OTUD7A: variants seen among roughly 807,000 people sequenced by gnomAD.
OTUD7A encodes OTU deubiquitinase 7A.
OTUD7A carries 12 observed loss-of-function variants against 65.7 expected under a neutral mutation model. The observed-to-expected ratio is 0.18, with a 90% CI of 0.12 to 0.30. OTUD7A has a LOEUF of 0.30. Among genes scored for constraint, OTUD7A ranks in the 10% least tolerant of loss-of-function variants. The probability of loss-of-function intolerance (pLI) is 1.00; values close to 1 mark genes in which losing one functional copy is unlikely to be tolerated. For missense variants in OTUD7A, 1,148 were observed against 1,304.8 expected (o/e 0.88, Z 1.85); for synonymous variants, 641 against 586.3 (o/e 1.09, Z -1.35).
At chr15:31,496,829 C>T (rs1482919081) in intron 10 of OTUD7A, among the ~76,000 whole-genome samples, 1 of 152,164 alleles carries the variant, frequency 6.6e-6, no homozygotes, top group African/African-American at 2.4e-5. Context: ...TCCCAAGATC[C>T]CTAGCAGACA....
intron 1 of OTUD7A, among the ~76,000 whole-genome samples, chr15:31,841,399 ACG>A (rs1897178740): frequency 6.6e-6 from 1 of 152,168 alleles, no homozygotes; most frequent in Non-Finnish European, 1.5e-5. Context: ...CACAGCCCTG[ACG>A]ATGCAGGACA....
intron 3 of OTUD7A, among the ~76,000 whole-genome samples, chr15:31,625,134 T>C (rs1358357465): frequency 6.6e-6 from 1 of 152,228 alleles, no homozygotes; most frequent in East Asian, 1.9e-4. Flanking sequence ...GAGGCTGTGG[T>C]GAGGCTCTGA....
At chr15:31,485,905 C>T (rs2041230087) in intron 12 of OTUD7A, among the ~76,000 whole-genome samples, 1 of 152,216 alleles carries the variant, frequency 6.6e-6, no homozygotes, top group Non-Finnish European at 1.5e-5. Flanking sequence ...CACCACCTCC[C>T]ACTCTGACAT....
intron 1 of OTUD7A, among the ~76,000 whole-genome samples, chr15:31,793,977 A>G (rs7164188): frequency 0.21 from 31,298 of 152,212 alleles, 3,704 homozygotes; most frequent in Admixed American, 0.28. Context: ...GATCAAATTA[A>G]TTATTTTTGC....
intron 1 of OTUD7A, among the ~76,000 whole-genome samples, chr15:31,711,431 G>C (rs2654058): frequency 0.017 from 2,608 of 149,124 alleles, 86 homozygotes; most frequent in East Asian, 0.092. Context: ...TCCTTCCTTT[G>C]TTTCTCCCTC....
intron 1 of OTUD7A, among the ~76,000 whole-genome samples, chr15:31,816,854 G>T (rs550654682): frequency 1.7e-4 from 26 of 152,262 alleles, no homozygotes; most frequent in African/African-American, 6.3e-4. Context: ...TCATGCCTGC[G>T]TGTCCCATGG....
chr15:31,809,919 C>T (rs930855828), intron 1 of OTUD7A, among the ~76,000 whole-genome samples: 1 of 152,238 alleles, frequency 6.6e-6, no homozygotes, highest in African/African-American at 2.4e-5. Context: ...TTAAAGACTT[C>T]CACAAAATGT....
At chr15:31,740,977 A>C (rs1894327542) in intron 1 of OTUD7A, among the ~76,000 whole-genome samples, 1 of 152,266 alleles carries the variant, frequency 6.6e-6, no homozygotes, top group Non-Finnish European at 1.5e-5. Flanking sequence ...AGTAGGACAC[A>C]GATGTGAATG....
chr15:31,504,109 C>G (rs2041518813), intron 8 of OTUD7A, among the ~76,000 whole-genome samples: 1 of 152,220 alleles, frequency 6.6e-6, no homozygotes, highest in African/African-American at 2.4e-5. Context: ...CAGGCGGAGG[C>G]AGCCCACCAG....
At chr15:31,629,087 C>T (rs1415932025) in intron 3 of OTUD7A, among the ~76,000 whole-genome samples, 8 of 151,928 alleles carry the variant, frequency 5.3e-5, no homozygotes, top group African/African-American at 7.3e-5. Context: ...CCTTTATTTC[C>T]TTCTCCTGCC....
intron 1 of OTUD7A, among the ~76,000 whole-genome samples, chr15:31,780,742 A>T (rs1895516570): frequency 6.6e-6 from 1 of 152,228 alleles, no homozygotes. Flanking sequence ...GGGCAAAGGG[A>T]GCCTCTGAGT....
At chr15:31,583,835 C>T (rs1889446987) in intron 3 of OTUD7A, among the ~76,000 whole-genome samples, 1 of 152,230 alleles carries the variant, frequency 6.6e-6, no homozygotes, top group South Asian at 2.1e-4. Flanking sequence ...TGCTGAACCT[C>T]CCGTAGTTAG....
rs375412522 is a variant in OTUD7A at position 31,808,359 on chromosome 15, G to A, written c.-100+62148C>T. 5.9e-5 allele frequency among the ~76,000 whole-genome samples: 9 copies of A among 152,214 alleles called. No homozygotes were observed. In the East Asian group the frequency reaches 1.4e-3, roughly 23 times the overall value. ...CTAAGCTTCAAAAGTGATACCCACT[G>A]CATTTCCCCAGCACAGACCTCATTC... On this transcript the variant is annotated intron_variant, in intron 1 of 12. Coordinates refer to ENST00000307050, the MANE Select transcript of OTUD7A (RefSeq NM_001382637.1).
chr15:31,515,513 A>G (rs188779491), intron 8 of OTUD7A, among the ~76,000 whole-genome samples: 2 of 152,308 alleles, frequency 1.3e-5, no homozygotes, highest in East Asian at 3.9e-4. Context: ...GGCACTGCAG[A>G]GGCCCTCAGA....
chr15:31,697,735 C>G (rs936126913), intron 1 of OTUD7A, among the ~76,000 whole-genome samples: 1 of 152,230 alleles, frequency 6.6e-6, no homozygotes, highest in Non-Finnish European at 1.5e-5. Flanking sequence ...GCTTAAAGAC[C>G]ACCTGTCCTG....
intron 5 of OTUD7A, among the ~76,000 whole-genome samples, chr15:31,538,612 T>C (rs529183844): frequency 6.6e-6 from 1 of 152,252 alleles, no homozygotes; most frequent in African/African-American, 2.4e-5. Flanking sequence ...TTTGTTATGG[T>C]TGAGTTTGTG....
chr15:31,741,865 T>A (rs1894354707), intron 1 of OTUD7A, among the ~76,000 whole-genome samples: 1 of 151,962 alleles, frequency 6.6e-6, no homozygotes, highest in Admixed American at 6.5e-5. Flanking sequence ...AACAAATATA[T>A]GGTAGACAGG....
At chr15:31,629,119 C>G (rs1272168791) in intron 3 of OTUD7A, among the ~76,000 whole-genome samples, 3 of 152,108 alleles carry the variant, frequency 2.0e-5, no homozygotes. Flanking sequence ...GCCAGAACTT[C>G]CAACACTATG....
chr15:31,768,429 C>T (rs1053172810), intron 1 of OTUD7A, among the ~76,000 whole-genome samples: 1 of 152,058 alleles, frequency 6.6e-6, no homozygotes, highest in African/African-American at 2.4e-5. Context: ...GAGGCCAAGC[C>T]AGGTGGATCG....
Sources: gnomAD v4.1 joint callset for allele counts (sites outside exome capture counted in the v4.1 genomes callset) on GRCh38, gnomAD v4.1.1 for gene constraint, MANE v1.5 for transcripts, NCBI Gene and HGNC (gene_info 2026-07-23, HGNC 2026-07-21) for gene names.